The following PRCP variants were observed in gnomAD, a reference collection of about 807,000 sequenced individuals.
The protein encoded by PRCP is lysosomal Pro-X carboxypeptidase.
A neutral mutation model predicts 54.2 loss-of-function variants in PRCP; 46 were observed. The observed-to-expected ratio is 0.85, with a 90% CI of 0.67 to 1.09. The LOEUF (loss-of-function observed/expected upper bound fraction) is 1.09. Among genes scored for constraint, PRCP ranks in the 50% least tolerant of loss-of-function variants. The pLI, the probability that PRCP is intolerant of heterozygous loss-of-function variation, is 0.00. For missense variants in PRCP, 613 were observed against 596.8 expected (o/e 1.03, Z -0.28); for synonymous variants, 240 against 212.2 (o/e 1.13, Z -1.14).
intron 1 of PRCP, among the ~76,000 whole-genome samples, chr11:82,876,167 G>T (rs558535759): frequency 6.6e-6 from 1 of 152,288 alleles, no homozygotes; most frequent in South Asian, 2.1e-4. Context: ...GGTTGGCTCA[G>T]CACAGTGAAA....
chr11:82,900,915 A>G, upstream of PRCP: 1 of 454,252 alleles, frequency 2.2e-6, no homozygotes, highest in Admixed American at 2.4e-5. Flanking sequence ...AGGCCAGTGT[A>G]TCACGAGGCA....
chr11:82,867,768 G>A (rs1403442394), intron 1 of PRCP, among the ~76,000 whole-genome samples: 1 of 152,028 alleles, frequency 6.6e-6, no homozygotes, highest in African/African-American at 2.4e-5. Flanking sequence ...CTGTAGCCCA[G>A]GCAAAGTAGA....
intron 1 of PRCP, among the ~76,000 whole-genome samples, chr11:82,884,048 C>T (rs1008290126): frequency 1.1e-4 from 16 of 152,118 alleles, no homozygotes; most frequent in Non-Finnish European, 2.1e-4. Flanking sequence ...CAGAGATTTC[C>T]GACAGTTTTA....
chr11:82,838,326 T>C, intron 8 of PRCP, 61 bp downstream of exon 8: 1 of 1,473,988 alleles, frequency 6.8e-7, no homozygotes, highest in Non-Finnish European at 9.2e-7. Context: ...GGTTCTGTTT[T>C]TTCAGATATT....
chr11:82,837,677 C>A (rs1464833134), intron 8 of PRCP, among the ~76,000 whole-genome samples: 1 of 152,172 alleles, frequency 6.6e-6, no homozygotes, highest in Non-Finnish European at 1.5e-5. Context: ...TAGCTGACAA[C>A]CTAATGTTCA....
intron 1 of PRCP, among the ~76,000 whole-genome samples, chr11:82,874,715 A>G (rs1407352129): frequency 6.6e-6 from 1 of 151,746 alleles, no homozygotes; most frequent in African/African-American, 2.4e-5. Context: ...AAAAAGAAAA[A>G]AAAGAAAACT....
chr11:82,889,906 C>T (rs1292118536), intron 1 of PRCP, among the ~76,000 whole-genome samples: 1 of 152,018 alleles, frequency 6.6e-6, no homozygotes, highest in Non-Finnish European at 1.5e-5. Context: ...GGAGCTGTAC[C>T]GGAGGGGGAA....
At chr11:82,901,236 C>G (rs955264198), upstream of PRCP, among the ~76,000 whole-genome samples, 1 of 152,154 alleles carries the variant, frequency 6.6e-6, no homozygotes, top group Admixed American at 6.5e-5. Context: ...GTCCACATCG[C>G]CCCTAAATCC....
In PRCP at chr11:82,824,423, C is replaced by G. The variant is rs115163750; in HGVS notation, c.*483G>C. The G allele has an allele frequency of 0.014, 2,557 of 178,224 alleles. 78 individuals carry two copies. The highest frequency in any genetic ancestry group is 0.055 in the African/African-American group (2,313 of 41,776). The allele number at this position is 178,224 out of a possible 1,614,324, so 11.0% of individuals were successfully genotyped here. A position where few individuals can be genotyped will look rare whatever the true frequency, so the allele number is the denominator to read the frequency against. On this transcript the variant is annotated 3_prime_UTR_variant, in exon 9 of 9. Transcript: ENST00000313010. Reference sequence around the variant, plus strand: ...CAGTTCAAAGTCATTAAATCCGGTACAAAAGAAATGGCTCTCACTTCCTGG... The same window carrying G: ...CAGTTCAAAGTCATTAAATCCGGTAGAAAAGAAATGGCTCTCACTTCCTGG...
chr11:82,875,624 A>C (rs943172562), intron 1 of PRCP, among the ~76,000 whole-genome samples: 7 of 152,204 alleles, frequency 4.6e-5, no homozygotes, highest in Non-Finnish European at 4.4e-5. Flanking sequence ...TACAAGGATA[A>C]AAAGCCTTAT....
intron 2 of PRCP, among the ~76,000 whole-genome samples, chr11:82,857,695 G>T (rs753438262): frequency 9.9e-5 from 15 of 152,168 alleles, no homozygotes; most frequent in Non-Finnish European, 2.1e-4. Flanking sequence ...AGAACCTCAA[G>T]TGTTTTTGTT....
At chr11:82,868,345 A>G (rs776448671) in intron 1 of PRCP, among the ~76,000 whole-genome samples, 1 of 152,224 alleles carries the variant, frequency 6.6e-6, no homozygotes, top group African/African-American at 2.4e-5. Flanking sequence ...TCTTTCATTT[A>G]AAAATACTTA....
upstream of PRCP, chr11:82,900,831 A>T (rs1860269502): frequency 2.2e-6 from 1 of 461,302 alleles, no homozygotes; most frequent in Admixed American, 2.3e-5. Context: ...TTCCATTGCG[A>T]CACCTCCTGC....
In PRCP at chr11:82,839,301, G is replaced by C; in HGVS notation, c.1046C>G (p.Thr349Arg). The C allele has an allele frequency of 6.2e-7, 1 of 1,613,962 alleles. No individual in the cohort carries two copies. Among genetic ancestry groups the C allele is most frequent in the Admixed American group, 1.7e-5 (1 of 60,018 alleles). ...GQVKCLNISETATSSLGTLGW... is the reference protein window; with the variant it reads ...GQVKCLNISERATSSLGTLGW... ...CAGTGTTCCCAGACTGCTAGTTGCT[G>C]TCTCTGAAATATTCAGGCATTTCAC... Residue 349 changes from threonine to arginine, a missense_variant, in exon 7 of 9, where the codon ACA (threonine) becomes AGA (arginine). Thr to Arg is a moderately conservative substitution (Grantham distance 71, BLOSUM62 -1). Coordinates refer to ENST00000313010, the MANE Select transcript of PRCP (RefSeq NM_005040.4).
rs1591050467 is a variant in PRCP at position 82,853,067 on chromosome 11, GC to G, written c.411+109del. On this transcript the variant is annotated intron_variant, in intron 3 of 8. Coordinates refer to ENST00000313010, the MANE Select transcript of PRCP (RefSeq NM_005040.4). Reference sequence around the variant, plus strand: ...GAAACTATTAAATATAAACTATTGAGCTTTTAGGCATTTCAAATTTAAGTTA... The same window carrying G: ...GAAACTATTAAATATAAACTATTGAGTTTTAGGCATTTCAAATTTAAGTTA... 1.7e-5 allele frequency: 12 copies of G among 694,416 alleles called. No individual in the cohort carries two copies. The East Asian group carries it at 3.2e-4, about 19-fold the overall frequency. 43.0% of individuals were successfully genotyped at this position (694,416 alleles called of 1,614,324 possible). A position where few individuals can be genotyped will look rare whatever the true frequency, so the allele number is the denominator to read the frequency against.
chr11:82,841,898 A>G (rs570430705), intron 6 of PRCP, among the ~76,000 whole-genome samples: 2 of 152,368 alleles, frequency 1.3e-5, no homozygotes, highest in South Asian at 2.1e-4. Context: ...TCTATTGCCA[A>G]CAGTTGATCA....
chr11:82,864,658 A>C (rs1208238699), intron 1 of PRCP, among the ~76,000 whole-genome samples: 1 of 152,250 alleles, frequency 6.6e-6, no homozygotes, highest in Admixed American at 6.5e-5. Context: ...GACCTTGGAA[A>C]GGAAACAAAC....
rs1858179790 is a variant in PRCP, at chr11:82,824,759, C to A, written c.*147G>T. 1.3e-6 allele frequency: 1 copy of A among 783,016 alleles called. No individual in the cohort carries two copies. The highest frequency in any genetic ancestry group is 2.0e-6 in the Non-Finnish European group (1 of 497,956). The allele number at this position is 783,016 out of a possible 1,614,324, so 48.5% of individuals were successfully genotyped here. On this transcript the variant is annotated 3_prime_UTR_variant, in exon 9 of 9. Coordinates refer to ENST00000313010, the MANE Select transcript of PRCP (RefSeq NM_005040.4). ...CACATTCATGGGACACTTGCTCTTA[C>A]CGTCATCACCCTCTATTCTATCTCA...
intron 1 of PRCP, among the ~76,000 whole-genome samples, chr11:82,889,021 A>C (rs1427667711): frequency 8.2e-6 from 1 of 122,106 alleles, no homozygotes; most frequent in African/African-American, 4.4e-5. Flanking sequence ...TGTGCCATAA[A>C]AGTACAAAAA....
Sources: gnomAD v4.1 joint callset for allele counts (sites outside exome capture counted in the v4.1 genomes callset) on GRCh38, gnomAD v4.1.1 for gene constraint, MANE v1.5 for transcripts, NCBI Gene and HGNC (gene_info 2026-07-23, HGNC 2026-07-21) for gene names.